The following FHIT variants were observed in gnomAD, a reference collection of about 807,000 sequenced individuals.
FHIT encodes bis(5'-adenosyl)-triphosphatase.
A neutral mutation model predicts 17.9 loss-of-function variants in FHIT; 19 were observed. The ratio of observed to expected loss-of-function variants is 1.06; its 90% CI spans 0.74 to 1.56. The LOEUF (loss-of-function observed/expected upper bound fraction) is 1.56. Ranked by LOEUF, FHIT falls within the 40% of genes most tolerant of loss-of-function variation. The probability of loss-of-function intolerance (pLI) is 0.00; values close to 1 mark genes in which losing one functional copy is unlikely to be tolerated. For missense variants in FHIT, 248 were observed against 189.2 expected (o/e 1.31, Z -1.82); for synonymous variants, 81 against 69.7 (o/e 1.16, Z -0.81).
intron 8 of FHIT, among the ~76,000 whole-genome samples, chr3:59,780,228 C>T (rs1358856184): frequency 6.6e-6 from 1 of 152,150 alleles, no homozygotes; most frequent in African/African-American, 2.4e-5. Flanking sequence ...TGAGAACTCA[C>T]CAAGACACAC....
chr3:59,948,916 G>A (rs1405455609), intron 7 of FHIT, among the ~76,000 whole-genome samples: 2 of 151,738 alleles, frequency 1.3e-5, no homozygotes, highest in Non-Finnish European at 2.9e-5. Context: ...GGGGGAACAT[G>A]TGCAGGTTTG....
intron 4 of FHIT, among the ~76,000 whole-genome samples, chr3:60,558,493 CCT>C (rs1018374984): frequency 1.3e-5 from 2 of 151,872 alleles, no homozygotes; most frequent in African/African-American, 4.8e-5. Flanking sequence ...CCACTTGACC[CCT>C]GAGTCTAATG....
At chr3:60,614,820 G>C (rs9713179) in intron 4 of FHIT, among the ~76,000 whole-genome samples, 2 of 58,858 alleles carry the variant, frequency 3.4e-5, no homozygotes, top group Admixed American at 2.1e-4. Context: ...TTTTTTTTTT[G>C]TTTTTTTTTT....
intron 4 of FHIT, among the ~76,000 whole-genome samples, chr3:60,645,759 T>C (rs1320690895): frequency 6.6e-6 from 1 of 152,182 alleles, no homozygotes; most frequent in Non-Finnish European, 1.5e-5. Flanking sequence ...TATTTTACTA[T>C]ACGGTTTCTA....
chr3:61,002,565 T>C (rs531888631), intron 3 of FHIT, among the ~76,000 whole-genome samples: 21 of 152,194 alleles, frequency 1.4e-4, no homozygotes, highest in Non-Finnish European at 2.8e-4. Flanking sequence ...CATTAGCCAC[T>C]GCACCTGGCC....
chr3:60,701,822 T>G (rs1194079910), intron 4 of FHIT, among the ~76,000 whole-genome samples: 1 of 152,184 alleles, frequency 6.6e-6, no homozygotes, highest in Non-Finnish European at 1.5e-5. Flanking sequence ...GGGTTTGTTT[T>G]GGGAAAGGGC....
intron 7 of FHIT, among the ~76,000 whole-genome samples, chr3:59,949,778 C>A (rs888047853): frequency 2.6e-5 from 4 of 152,206 alleles, no homozygotes; most frequent in African/African-American, 7.2e-5. Flanking sequence ...ACATCATATT[C>A]AATACACAGG....
At chr3:61,151,293 C>G (rs574152130) in intron 2 of FHIT, among the ~76,000 whole-genome samples, 40 of 152,274 alleles carry the variant, frequency 2.6e-4, no homozygotes, top group African/African-American at 9.1e-4. Context: ...CACTCAGTCC[C>G]TTTTCATAAT....
chr3:60,416,859 G>A (rs1050250228), intron 5 of FHIT, among the ~76,000 whole-genome samples: 3 of 152,082 alleles, frequency 2.0e-5, no homozygotes, highest in Non-Finnish European at 2.9e-5. Flanking sequence ...GGCCGAGGCG[G>A]GAGGATCACG....
chr3:60,568,644 T>A (rs2037229823), intron 4 of FHIT, among the ~76,000 whole-genome samples: 1 of 151,956 alleles, frequency 6.6e-6, no homozygotes, highest in South Asian at 2.1e-4. Flanking sequence ...CTTCTAGACT[T>A]CCCAACACTT....
At chr3:60,946,962 T>C (rs3952441) in intron 3 of FHIT, among the ~76,000 whole-genome samples, 38,702 of 152,170 alleles carry the variant, frequency 0.25, 6,074 homozygotes, top group East Asian at 0.6. Flanking sequence ...ATTTTTTACT[T>C]TGATTTGAAC....
chr3:61,158,839 C>T (rs2037607467), intron 2 of FHIT, among the ~76,000 whole-genome samples: 1 of 152,186 alleles, frequency 6.6e-6, no homozygotes, highest in African/African-American at 2.4e-5. Context: ...AGGGGAATCA[C>T]ATTGCCAGAC....
At chr3:60,685,483 G>C (rs976987458) in intron 4 of FHIT, among the ~76,000 whole-genome samples, 2 of 152,112 alleles carry the variant, frequency 1.3e-5, no homozygotes, top group African/African-American at 2.4e-5. Flanking sequence ...TCCGTTTGAA[G>C]GTTACTCGAA....
intron 4 of FHIT, among the ~76,000 whole-genome samples, chr3:60,767,789 A>T (rs1699905965): frequency 6.6e-6 from 1 of 152,192 alleles, no homozygotes. Flanking sequence ...CCAACAAGAG[A>T]CAGAATGTTT....
intron 8 of FHIT, among the ~76,000 whole-genome samples, chr3:59,851,945 A>C (rs76039768): frequency 0.38 from 58,366 of 152,026 alleles, 12,889 homozygotes; most frequent in African/African-American, 0.6. Flanking sequence ...ACTGATTGTA[A>C]TTTACCCTTT....
chr3:59,936,370 A>G (rs1295136343), intron 7 of FHIT, among the ~76,000 whole-genome samples: 1 of 152,210 alleles, frequency 6.6e-6, no homozygotes, highest in Non-Finnish European at 1.5e-5. Flanking sequence ...GATGCAAATG[A>G]AACAATGATA....
intron 5 of FHIT, among the ~76,000 whole-genome samples, chr3:60,433,303 T>G (rs1475489715): frequency 6.6e-6 from 1 of 152,126 alleles, no homozygotes; most frequent in Non-Finnish European, 1.5e-5. Context: ...TATCACATTT[T>G]CTTTATATAT....
chr3:59,842,469 T>C (rs1209530830), intron 8 of FHIT, among the ~76,000 whole-genome samples: 1 of 152,184 alleles, frequency 6.6e-6, no homozygotes, highest in East Asian at 1.9e-4. Context: ...TAATCCTGTT[T>C]TTAATTTTGT....
At chr3:60,500,894 G>A (rs2034500228) in intron 5 of FHIT, among the ~76,000 whole-genome samples, 1 of 151,870 alleles carries the variant, frequency 6.6e-6, no homozygotes, top group African/African-American at 2.4e-5. Flanking sequence ...GCCTTGATTG[G>A]CTTCTTTTTG....
Sources: gnomAD v4.1 joint callset for allele counts (sites outside exome capture counted in the v4.1 genomes callset) on GRCh38, gnomAD v4.1.1 for gene constraint, MANE v1.5 for transcripts, NCBI Gene and HGNC (gene_info 2026-07-23, HGNC 2026-07-21) for gene names.